The following DNAH12 variants were observed in gnomAD, a reference collection of about 807,000 sequenced individuals.
DNAH12 encodes dynein axonemal heavy chain 12, also known as axonemal beta dynein heavy chain 12.
DNAH12 carries 285 observed loss-of-function variants against 371.5 expected under a neutral mutation model. The ratio of observed to expected loss-of-function variants is 0.77; its 90% CI spans 0.70 to 0.85. The LOEUF is 0.85. Ranked by LOEUF, DNAH12 falls within the 40% of genes least tolerant of loss-of-function variation. The probability of loss-of-function intolerance (pLI) is 0.00; values close to 1 mark genes in which losing one functional copy is unlikely to be tolerated. For missense variants in DNAH12, 3,611 were observed against 3,689.4 expected, an observed-to-expected ratio of 0.98 and a Z score of 0.55; for synonymous variants, 1,200 against 1,213.0, an observed-to-expected ratio of 0.99 and a Z score of 0.22.
the DNAH12 span, among the ~76,000 whole-genome samples, chr3:57,552,341 G>A: frequency 6.6e-6 from 1 of 151,950 alleles, no homozygotes; most frequent in African/African-American, 2.4e-5. Flanking sequence ...ACAGGCATGA[G>A]CCATTGTGCT....
rs1015408087 is a variant in DNAH12 at position 57,472,591 on chromosome 3, G to A, written c.1731C>T (p.Leu577=). The part of the protein sequence containing the change: ...QEDLALNATV[L]MWPRKINPIF... Reference sequence around the variant, plus strand: ...TGGGATTAATTTTCCTAGGCCACATGAGGACAGTTGCATTTAAAGCTAAGT... The same window carrying A: ...TGGGATTAATTTTCCTAGGCCACATAAGGACAGTTGCATTTAAAGCTAAGT... Residue 577 remains leucine (L), a synonymous_variant, in exon 14 of 74, where the codon CTC becomes CTT. Transcript: ENST00000495027. The A allele has an allele frequency of 6.4e-7, 1 of 1,550,856 alleles. No homozygotes were observed. Among genetic ancestry groups the A allele is most frequent in the Non-Finnish European group, 8.7e-7 (1 of 1,146,756 alleles).
At chr3:57,297,193 A>G (rs979413270) in intron 70 of DNAH12, 4 of 561,836 alleles carry the variant, frequency 7.1e-6, no homozygotes, top group African/African-American at 1.9e-5. Context: ...CAATTTGAGC[A>G]TTAACGTGAA....
rs771112538 is a variant in DNAH12 at position 57,499,673 on chromosome 3, T to TATATATATATACACAC, written c.1335+1647_1335+1648insGTGTGTATATATATAT. 1.2e-3 allele frequency among the ~76,000 whole-genome samples: 54 copies of TATATATATATACACAC among 44,426 alleles called. 1 individual carries two copies. Among genetic ancestry groups the TATATATATATACACAC allele is most frequent in the African/African-American group, 4.6e-3 (52 of 11,202 alleles). The allele number at this position is 44,426 out of a possible 152,430, so 29.1% of individuals were successfully genotyped here. ...ATATATATATATATATATATATATA[T>TATATATATATACACAC]ATACTTCTTAAAAAAATTAGCCAGG... On this transcript the variant is annotated intron_variant, in intron 11 of 73. Coordinates refer to ENST00000495027, the MANE Select transcript of DNAH12 (RefSeq NM_001366028.2).
In DNAH12 at chr3:57,470,476, T is replaced by C; in HGVS notation, c.2072A>G (p.Asn691Ser). ...VNIEPYQKFF[N>S]FVLKWQRSEK... ...TGATCGCTGCCACTTCAAAACAAAA[T>C]TAAAAAACTTCTGATAGGGCTCAAT... Residue 691 changes from asparagine (N) to serine (S), a missense_variant, in exon 16 of 74, where the codon AAT becomes AGT. Physicochemically the swap from Asn to Ser is conservative, Grantham distance 46. Around this residue, in one of 3 missense-constraint regions of DNAH12, gnomAD observed 1,314 missense variants for 1,398.7 expected, o/e 0.94. Coordinates refer to ENST00000495027, the MANE Select transcript of DNAH12 (RefSeq NM_001366028.2). 1 of 1,533,188 alleles carries C rather than the reference T, an allele frequency of 6.5e-7. No homozygotes were observed. Among genetic ancestry groups the C allele is most frequent in the Non-Finnish European group, 8.8e-7 (1 of 1,141,006 alleles). The allele number at this position is 1,533,188 out of a possible 1,614,324, so 95.0% of individuals were successfully genotyped here.
In DNAH12 at chr3:57,509,178, C is replaced by A; in HGVS notation, c.504G>T (p.Ser168=). Residue 168 remains serine (S), a synonymous_variant, in exon 6 of 74, where the codon TCG becomes TCT. Coordinates refer to ENST00000495027, the MANE Select transcript of DNAH12 (RefSeq NM_001366028.2). ...QSVLVKPPVK[S]LEDEGGPLPE... ...GTAAAGGACCTCCTTCATCTTCAAGCGATTTAACTGGTGGTTTCACAAGAA... is the reference window on the plus strand; with the variant it reads ...GTAAAGGACCTCCTTCATCTTCAAGAGATTTAACTGGTGGTTTCACAAGAA... The A allele has an allele frequency of 2.5e-6, 4 of 1,613,638 alleles. No homozygotes were observed. The highest frequency in any genetic ancestry group is 1.1e-5 in the South Asian group (1 of 90,924).
chr3:57,403,980 G>A (rs1469111713), intron 42 of DNAH12, among the ~76,000 whole-genome samples: 2 of 152,108 alleles, frequency 1.3e-5, no homozygotes, highest in African/African-American at 4.8e-5. Flanking sequence ...CCAGTCCTAA[G>A]CATCAGCAAA....
At chr3:57,489,362 T>C (rs1384804001) in intron 12 of DNAH12, 147 bp downstream of exon 12, 2 of 719,182 alleles carry the variant, frequency 2.8e-6, no homozygotes, top group Non-Finnish European at 4.1e-6. Context: ...CCAATGGGAC[T>C]ACAAAGGCAC....
chr3:57,334,816 G>A lies in DNAH12; in HGVS notation c.9799C>T (p.Arg3267Trp), dbSNP rs772591738. The A allele has an allele frequency of 3.5e-5, 54 of 1,551,778 alleles. No homozygotes were observed. In the East Asian group the frequency reaches 4.6e-4, roughly 13 times the overall value. Residue 3267 changes from arginine (R) to tryptophan (W), a missense_variant, in exon 61 of 74, where the codon CGG (arginine) becomes TGG (tryptophan). Coordinates refer to ENST00000495027, the MANE Select transcript of DNAH12 (RefSeq NM_001366028.2). ...LQDKSWEEICRASEFPAFRGL... is the reference protein window; with the variant it reads ...LQDKSWEEICWASEFPAFRGL... ...CTGAAGGCAGGAAATTCACTTGCCCGACAGATTTCCTCCCAGCTTTTGTCC... is the reference window on the plus strand; with the variant it reads ...CTGAAGGCAGGAAATTCACTTGCCCAACAGATTTCCTCCCAGCTTTTGTCC...
intron 35 of DNAH12, 135 bp from the exon 36 acceptor site, chr3:57,421,841 T>C: frequency 1.2e-6 from 1 of 854,386 alleles, no homozygotes; most frequent in Non-Finnish European, 1.8e-6. Context: ...TAAAGTAGAA[T>C]GGAGCACTGC....
Position 57,428,627 on chromosome 3 carries a change from G to T in DNAH12, c.5253+6C>A. The T allele has an allele frequency of 1.3e-6, 2 of 1,528,358 alleles. No individual in the cohort carries two copies. Among genetic ancestry groups the T allele is most frequent in the Non-Finnish European group, 1.8e-6 (2 of 1,139,632 alleles). The allele number at this position is 1,528,358 out of a possible 1,614,324, so 94.7% of individuals were successfully genotyped here. ...ACTTGAATAGGTCAGAGAATTATAGGATTACCTTGCATTTTTTCTTACGCT... is the reference window on the plus strand; with the variant it reads ...ACTTGAATAGGTCAGAGAATTATAGTATTACCTTGCATTTTTTCTTACGCT... On this transcript the variant is annotated splice_donor_region_variant and intron_variant, in intron 34 of 73. Coordinates refer to ENST00000495027, the MANE Select transcript of DNAH12 (RefSeq NM_001366028.2).
chr3:57,452,302 A>C (rs773477107), intron 25 of DNAH12, among the ~76,000 whole-genome samples: 24 of 152,142 alleles, frequency 1.6e-4, no homozygotes, highest in Non-Finnish European at 1.0e-4. Context: ...TTAAAAAATT[A>C]TTTGTTGTTT....
chr3:57,361,444 C>CACACTATATA (rs1409626573), intron 58 of DNAH12, among the ~76,000 whole-genome samples: 3 of 116,700 alleles, frequency 2.6e-5, no homozygotes, highest in African/African-American at 1.3e-4. Context: ...CACACACACA[C>CACACTATATA]TATATATATA....
chr3:57,326,633 A>G (rs1356200314), intron 62 of DNAH12, among the ~76,000 whole-genome samples: 2 of 152,220 alleles, frequency 1.3e-5, no homozygotes, highest in African/African-American at 4.8e-5. Flanking sequence ...CATGGAGACT[A>G]GGAAGAAACT....
At chr3:57,418,310 T>C (rs62252863) in intron 37 of DNAH12, among the ~76,000 whole-genome samples, 46,647 of 136,044 alleles carry the variant, frequency 0.34, 10,325 homozygotes, top group African/African-American at 0.65. Context: ...GAGGCTGAGG[T>C]GGGTGGATTG....
chr3:57,321,726 T>A (rs2061809241), intron 65 of DNAH12, among the ~76,000 whole-genome samples: 1 of 152,154 alleles, frequency 6.6e-6, no homozygotes, highest in South Asian at 2.1e-4. Context: ...TATCTTCCAA[T>A]CTAGCCTATA....
At chr3:57,430,145 A>T (rs990411625) in intron 32 of DNAH12, among the ~76,000 whole-genome samples, 1 of 152,272 alleles carries the variant, frequency 6.6e-6, no homozygotes, top group African/African-American at 2.4e-5. Flanking sequence ...TTATTAAATT[A>T]AAAAATAGAA....
At chr3:57,511,353 C>A (rs1011173805) in intron 4 of DNAH12, among the ~76,000 whole-genome samples, 2 of 152,056 alleles carry the variant, frequency 1.3e-5, no homozygotes, top group Non-Finnish European at 2.9e-5. Context: ...ACAAAACAGA[C>A]AAAGCCCATG....
chr3:57,352,035 C>A, intron 60 of DNAH12, 50 bp downstream of exon 60: 1 of 1,457,744 alleles, frequency 6.9e-7, no homozygotes, highest in Non-Finnish European at 9.1e-7. Flanking sequence ...ATTTGATTTT[C>A]CAGGGAGGTT....
intron 70 of DNAH12, 112 bp from the exon 71 acceptor site, chr3:57,297,096 C>A: frequency 8.1e-7 from 1 of 1,239,526 alleles, no homozygotes; most frequent in Non-Finnish European, 1.1e-6. Flanking sequence ...TTTTCCATCA[C>A]GAGGCCCTCT....
Sources: allele counts gnomAD v4.1 joint callset (sites outside exome capture counted in the v4.1 genomes callset), GRCh38; gene constraint gnomAD v4.1.1; regional missense constraint gnomAD v4.1.1; transcripts MANE v1.5; gene names NCBI Gene and HGNC (gene_info 2026-07-23, HGNC 2026-07-21).